KAZN: variants seen among roughly 807,000 people sequenced by gnomAD.
The protein encoded by KAZN is kazrin, periplakin interacting protein.
In KAZN, 40 loss-of-function variants were observed where a neutral mutation model predicts 87.4. That is an observed-to-expected ratio of 0.46 (90% CI 0.36 to 0.60). The LOEUF is 0.60. KAZN is among the 20% of genes least tolerant of loss of function. The pLI, the probability that KAZN is intolerant of heterozygous loss-of-function variation, is 0.00. For synonymous variants in KAZN, 466 were observed against 458.3 expected, an observed-to-expected ratio of 1.02 and a Z score of -0.22; for missense variants, 898 against 1,073.9, an observed-to-expected ratio of 0.84 and a Z score of 2.29.
chr1:14,773,786 C>G lies in KAZN; in HGVS notation c.226+174563C>G, dbSNP rs2100605378. The stretch of plus-strand genomic sequence containing the variant: ...GCCATCTCTAATGAACTCAGCCTTC[C>G]TGGGAGCTGCGGCAGGTCCCAGCCC... On this transcript the variant is annotated intron_variant, in intron 1 of 14. Coordinates refer to ENST00000376030, the MANE Select transcript of KAZN (RefSeq NM_201628.3). The surrounding 1 kb of genome is among the most constrained non-coding windows in gnomAD (Gnocchi z 5.9). Among the ~76,000 whole-genome samples, 1 of 152,292 alleles carries G rather than the reference C, an allele frequency of 6.6e-6. No homozygotes were observed. Among genetic ancestry groups the G allele is most frequent in the South Asian group, 2.1e-4 (1 of 4,826 alleles).
chr1:15,054,976 C>G (rs912374230), intron 4 of KAZN, among the ~76,000 whole-genome samples: 2 of 152,246 alleles, frequency 1.3e-5, no homozygotes, highest in African/African-American at 4.8e-5. Flanking sequence ...AGGAGCTAGT[C>G]GTGTAGGCTG....
chr1:14,599,253 G>C lies in KAZN; in HGVS notation c.226+30G>C. 2 of 1,342,866 alleles carry C rather than the reference G, an allele frequency of 1.5e-6. No individual in the cohort carries two copies. The highest frequency in any genetic ancestry group is 1.9e-6 in the Non-Finnish European group (2 of 1,051,798). The allele number at this position is 1,342,866 out of a possible 1,614,324, so 83.2% of individuals were successfully genotyped here. A position where few individuals can be genotyped will look rare whatever the true frequency, so the allele number is the denominator to read the frequency against. On this transcript the variant is annotated intron_variant, in intron 1 of 14. Coordinates refer to ENST00000376030, the MANE Select transcript of KAZN (RefSeq NM_201628.3). The surrounding 1 kb of genome is among the most constrained non-coding windows in gnomAD (Gnocchi z 4.4). ...GATCGCCCCGGCGCCCAGGGCGGAG[G>C]AAGGCGAGCAGAGCACGCCCGGCCT...
intron 1 of KAZN, among the ~76,000 whole-genome samples, chr1:13,915,335 A>G (rs1639807783): frequency 6.6e-6 from 1 of 152,252 alleles, no homozygotes; most frequent in South Asian, 2.1e-4. Flanking sequence ...AAAGAAGAAA[A>G]AAATGCACTT....
At chr1:14,393,700 A>G (rs1039851652) in intron 2 of KAZN, among the ~76,000 whole-genome samples, 1 of 152,038 alleles carries the variant, frequency 6.6e-6, no homozygotes, top group African/African-American at 2.4e-5. Flanking sequence ...AGCATTGAGG[A>G]CCTAAATCAG....
At chr1:14,778,473 G>A (rs939345900) in intron 1 of KAZN, among the ~76,000 whole-genome samples, 19 of 151,874 alleles carry the variant, frequency 1.3e-4, no homozygotes, top group African/African-American at 2.9e-4. Flanking sequence ...CTCCCGTCCC[G>A]TCAGGGCAGG....
At chr1:14,137,701 CTTTTTTTT>C (rs35819477) in intron 1 of KAZN, among the ~76,000 whole-genome samples, 1 of 65,052 alleles carries the variant, frequency 1.5e-5, no homozygotes, top group Non-Finnish European at 2.6e-5. Context: ...AAATATAAGG[CTTTTTTTT>C]TTTTTTTTTT....
intron 1 of KAZN, among the ~76,000 whole-genome samples, chr1:14,861,005 AAG>A (rs1199838381): frequency 1.3e-5 from 2 of 152,214 alleles, no homozygotes; most frequent in African/African-American, 4.8e-5. Context: ...AAGGAAGGGA[AAG>A]AGAGAAACCA....
intron 1 of KAZN, among the ~76,000 whole-genome samples, chr1:14,647,609 C>G (rs1477632847): frequency 1.3e-5 from 2 of 152,184 alleles, no homozygotes. Context: ...TGGGCCCACT[C>G]TGGAGACTGA....
intron 1 of KAZN, among the ~76,000 whole-genome samples, chr1:14,143,260 C>T (rs1164898143): frequency 6.6e-6 from 1 of 152,154 alleles, no homozygotes; most frequent in Admixed American, 6.5e-5. Flanking sequence ...TATACCTAGG[C>T]ATACTTTTTA....
At chr1:14,301,240 G>A (rs1048367868) in intron 2 of KAZN, among the ~76,000 whole-genome samples, 1 of 152,318 alleles carries the variant, frequency 6.6e-6, no homozygotes, top group East Asian at 1.9e-4. Flanking sequence ...ATACCCGGTT[G>A]CATTTGCTCT....
At chr1:14,596,513 G>A (rs369421558), upstream of KAZN, among the ~76,000 whole-genome samples, 2 of 152,160 alleles carry the variant, frequency 1.3e-5, no homozygotes, top group East Asian at 1.9e-4. Flanking sequence ...TACATTCACC[G>A]TGTTGTGCCA....
At chr1:14,955,518 G>A (rs1366683862) in intron 1 of KAZN, among the ~76,000 whole-genome samples, 6 of 152,206 alleles carry the variant, frequency 3.9e-5, no homozygotes, top group South Asian at 2.1e-4. Context: ...AGCAAGCTCC[G>A]ATAAGCCTCT....
At chr1:14,591,697 A>G (rs1214624426) in intron 2 of KAZN, among the ~76,000 whole-genome samples, 1 of 152,198 alleles carries the variant, frequency 6.6e-6, no homozygotes, top group Non-Finnish European at 1.5e-5. Flanking sequence ...CGACTTTCCC[A>G]GCTTTAGATG....
chr1:14,332,160 C>G (rs540587305), intron 2 of KAZN, among the ~76,000 whole-genome samples: 2 of 152,146 alleles, frequency 1.3e-5, no homozygotes, highest in Admixed American at 6.5e-5. Context: ...GGCAGTTTCC[C>G]GACCCTGGCT....
intron 2 of KAZN, among the ~76,000 whole-genome samples, chr1:14,205,842 C>T (rs558688002): frequency 2.8e-4 from 38 of 133,616 alleles, no homozygotes; most frequent in African/African-American, 9.3e-4. Context: ...GCCAAGATTG[C>T]GCCACTGCAC....
At chr1:14,315,930 C>T (rs1655626739) in intron 2 of KAZN, among the ~76,000 whole-genome samples, 1 of 151,728 alleles carries the variant, frequency 6.6e-6, no homozygotes, top group Non-Finnish European at 1.5e-5. Flanking sequence ...AGTGGAATTG[C>T]TATGTCTAAT....
At position 15,114,461 on chromosome 1, in the gene KAZN, C is replaced by G; in HGVS notation, c.2164-10C>G. 6.2e-7 allele frequency: 1 copy of G among 1,602,344 alleles called. No homozygotes were observed. The highest frequency in any genetic ancestry group is 8.5e-7 in the Non-Finnish European group (1 of 1,173,126). On this transcript the variant is annotated splice_polypyrimidine_tract_variant and intron_variant, in intron 14 of 14. Coordinates refer to ENST00000376030, the MANE Select transcript of KAZN (RefSeq NM_201628.3). ...CTTCCTGTCCTTTGATCATATTCTT[C>G]TCTTCTCAGCTGCCCCTGGGGAAGA...
chr1:14,657,463 A>G (rs928729274), intron 1 of KAZN, among the ~76,000 whole-genome samples: 4 of 152,156 alleles, frequency 2.6e-5, no homozygotes, highest in African/African-American at 9.7e-5. Flanking sequence ...AAGAATTTGC[A>G]TTTCTCACAA....
Position 14,540,155 on chromosome 1 carries a change from G to A in KAZN, c.250-58828G>A, listed in dbSNP as rs1672724166. ...TCACTTCACTTTATCATCCCCAAGAGACTTTCAGGGAAATCAACGTTTCGC... is the reference window on the plus strand; with the variant it reads ...TCACTTCACTTTATCATCCCCAAGAAACTTTCAGGGAAATCAACGTTTCGC... On this transcript the variant is annotated intron_variant, in intron 2 of 16. Transcript: ENST00000636203. 3.3e-5 allele frequency among the ~76,000 whole-genome samples: 5 copies of A among 152,190 alleles called. No homozygotes were observed. In the South Asian group the frequency reaches 8.3e-4, roughly 25 times the overall value.
Sources: gnomAD v4.1 joint callset for allele counts (sites outside exome capture counted in the v4.1 genomes callset) on GRCh38, gnomAD v4.1.1 for gene constraint, Gnocchi (gnomAD v3.1) non-coding constraint, MANE v1.5 for transcripts, NCBI Gene and HGNC (gene_info 2026-07-23, HGNC 2026-07-21) for gene names.